Variants in FAT1 observed in about 807,000 individuals in gnomAD.
FAT1 encodes FAT atypical cadherin 1.
A neutral mutation model predicts 329.8 loss-of-function variants in FAT1; 171 were observed. The ratio of observed to expected loss-of-function variants is 0.52; its 90% confidence interval spans 0.46 to 0.59. FAT1 has a LOEUF of 0.59. FAT1 is among the 20% of genes least tolerant of loss of function. FAT1 has a pLI of 0.00. For missense variants in FAT1, 5,672 were observed against 5,774.4 expected, an observed-to-expected ratio of 0.98 and a Z score of 0.57; for synonymous variants, 2,233 against 2,228.6, an observed-to-expected ratio of 1.00 and a Z score of -0.06.
Position 186,589,179 on chromosome 4 carries a change from G to A in FAT1, c.13180C>T (p.Leu4394=), listed in dbSNP as rs1416701128. The A allele has an allele frequency of 6.2e-7, 1 of 1,613,628 alleles. No homozygotes were observed. Among genetic ancestry groups the A allele is most frequent in the Admixed American group, 1.7e-5 (1 of 59,982 alleles). ...DTSDWMPSVP[L]PDIQEFPNYE... ...TTGGGGAACTCTTGTATGTCCGGCA[G>A]AGGAACGCTTGGCATCCAATCTGAT... is the stretch of plus-strand genomic sequence containing the variant. Residue 4394 remains leucine (L), a synonymous_variant, in exon 27 of 27, where the codon CTG becomes TTG. Coordinates refer to ENST00000441802, the MANE Select transcript of FAT1 (RefSeq NM_005245.4).
chr4:186,654,541 T>C (rs986588791), intron 3 of FAT1, among the ~76,000 whole-genome samples: 1 of 152,148 alleles, frequency 6.6e-6, no homozygotes. Flanking sequence ...ACCAGCAAGA[T>C]TCTAACAGTG....
At chr4:186,623,348 C>T (rs1740141823) in intron 9 of FAT1, among the ~76,000 whole-genome samples, 1 of 152,186 alleles carries the variant, frequency 6.6e-6, no homozygotes, top group South Asian at 2.1e-4. Context: ...CGCCAAGATC[C>T]TTTTCTCATC....
chr4:186,656,236 G>A (rs978355965), intron 3 of FAT1, among the ~76,000 whole-genome samples: 11 of 152,232 alleles, frequency 7.2e-5, no homozygotes, highest in African/African-American at 2.7e-4. Flanking sequence ...ACAGATGGTG[G>A]TGTGGAGTGG....
intron 3 of FAT1, among the ~76,000 whole-genome samples, chr4:186,642,691 C>G (rs1741160216): frequency 6.6e-6 from 1 of 152,190 alleles, no homozygotes; most frequent in African/African-American, 2.4e-5. Context: ...CTGGCGGCAC[C>G]CTGCGGGTAT....
intron 20 of FAT1, 135 bp from the exon 21 acceptor site, chr4:186,601,561 G>C (rs926221635): frequency 3.2e-6 from 2 of 615,992 alleles, no homozygotes; most frequent in Admixed American, 3.1e-5. Context: ...CCAATTCTGT[G>C]GGAAAACGTC....
In FAT1 at chr4:186,707,593, G is replaced by T; in HGVS notation, c.2235C>A (p.Asp745Glu). The T allele has an allele frequency of 6.2e-6, 10 of 1,614,016 alleles. No individual in the cohort carries two copies. The highest frequency in any genetic ancestry group is 8.5e-6 in the Non-Finnish European group (10 of 1,179,890). Residue 745 changes from aspartate to glutamate, a missense_variant, in exon 2 of 27, where the codon GAC becomes GAA. This residue lies in a region of FAT1 where 3,966 missense variants were observed against 3,915.2 expected (regional missense o/e 1.01). Coordinates refer to ENST00000441802, the MANE Select transcript of FAT1 (RefSeq NM_005245.4). ...SVIFMNSTDL[D>E]TGFNGKLVYA... ...AGACCAGTTTTCCATTGAAGCCAGT[G>T]TCAAGGTCAGTGGAGTTCATGAAAA... is the stretch of plus-strand genomic sequence containing the variant.
Position 186,598,096 on chromosome 4 carries a change from T to C in FAT1, c.12133A>G (p.Ile4045Val), listed in dbSNP as rs1479936030. Residue 4045 changes from isoleucine to valine, a missense_variant, in exon 23 of 27, where the codon ATA (isoleucine) becomes GTA (valine). Ile to Val is a conservative substitution (Grantham distance 29). Around this residue, in one of 2 missense-constraint regions of FAT1, gnomAD observed 1,706 missense variants for 1,859.1 expected, o/e 0.92. Coordinates refer to ENST00000441802, the MANE Select transcript of FAT1 (RefSeq NM_005245.4). Reference sequence around the variant, plus strand: ...ACGCTTATCTCACAGTGGGTCCCTATGTACAAGGCACTGCATTTGCAGTAA... The same window carrying C: ...ACGCTTATCTCACAGTGGGTCCCTACGTACAAGGCACTGCATTTGCAGTAA... ...GYYCKCSALY[I>V]GTHCEISVNP... The C allele has an allele frequency of 3.1e-6, 5 of 1,612,064 alleles. No homozygotes were observed. Among genetic ancestry groups the C allele is most frequent in the South Asian group, 2.2e-5 (2 of 90,460 alleles).
At position 186,618,379 on chromosome 4, in the gene FAT1, C is replaced by T. The variant is rs1404780570; in HGVS notation, c.8207G>A (p.Ser2736Asn). 2.5e-6 allele frequency: 4 copies of T among 1,613,908 alleles called. No homozygotes were observed. The highest frequency in any genetic ancestry group is 1.3e-5 in the African/African-American group (1 of 74,930). The change falls in exon 10 of 27, where the codon AGC becomes AAC. Residue 2736 changes from serine to asparagine, a missense_variant. Around this residue, in one of 2 missense-constraint regions of FAT1, gnomAD observed 3,966 missense variants for 3,915.2 expected, o/e 1.01. Transcript: ENST00000441802. The stretch of plus-strand genomic sequence containing the variant: ...TTCTGGAGTATTCCCTTTGACCAGG[C>T]TGTAAAGAACAGTCCCACTATGTTC... ...RAEHSGTVLYSLVKGNTPESN... is the reference protein window; with the variant it reads ...RAEHSGTVLYNLVKGNTPESN...
At position 186,602,908 on chromosome 4, in the gene FAT1, C is replaced by A. The variant is rs566843673; in HGVS notation, c.11477G>T (p.Cys3826Phe). ...CCCAACCATTCAACTCTCACCTGGG[C>A]ACTGACCAAACCTGCCGCTGGGACA... ...CVCPSGRFGQ[C>F]PGSSSMTLTG... Residue 3826 changes from cysteine (C) to phenylalanine (F), a missense_variant, in exon 20 of 27, where the codon TGC (cysteine) becomes TTC (phenylalanine). Physicochemically the swap from Cys to Phe is radical, Grantham distance 205 (BLOSUM62 -2). Coordinates refer to ENST00000441802, the MANE Select transcript of FAT1 (RefSeq NM_005245.4). 1 of 1,613,806 alleles carries A rather than the reference C, an allele frequency of 6.2e-7. No homozygotes were observed. Among genetic ancestry groups the A allele is most frequent in the South Asian group, 1.1e-5 (1 of 91,054 alleles).
Position 186,620,940 on chromosome 4 carries a change from T to C in FAT1, c.5646A>G (p.Pro1882=), listed in dbSNP as rs116471329. 4,209 of 1,614,010 alleles carry C rather than the reference T, an allele frequency of 2.6e-3. 10 individuals are homozygous for C. Among genetic ancestry groups the C allele is most frequent in the Non-Finnish European group, 3.3e-3 (3,837 of 1,179,902 alleles). The change falls in exon 10 of 27, where the codon CCA becomes CCG. Residue 1882 remains proline, a synonymous_variant. Coordinates refer to ENST00000441802, the MANE Select transcript of FAT1 (RefSeq NM_005245.4). ...INDCPPVFAK[P]LYEASLLLPT... is the part of the protein sequence containing the mutation. ...GTAACAAAAGAGATGCTTCATATAA[T>C]GGCTTGGCAAACACAGGGGGGCAGT...
At chr4:186,687,253 C>CTGGAAT (rs1298101812) in intron 2 of FAT1, among the ~76,000 whole-genome samples, 1 of 152,144 alleles carries the variant, frequency 6.6e-6, no homozygotes, top group Non-Finnish European at 1.5e-5. Context: ...AGTTCCCTGA[C>CTGGAAT]TGAATTAGTA....
rs771401093 is a variant in FAT1, at chr4:186,595,802, C to T, written c.13025G>A (p.Cys4342Tyr). Residue 4342 changes from cysteine to tyrosine, a missense_variant, in exon 26 of 27, where the codon TGT becomes TAT. This residue lies in a region of FAT1 where 1,706 missense variants were observed against 1,859.1 expected (regional missense o/e 0.92). Transcript: ENST00000441802. ...TTCCTCTAGAGGCTTCTTGGAAAGA[C>T]AGGGATCAAGATCCACCACTTTTGC... ...YDTKVVDLDP[C>Y]LSKKPLEEKP... is the part of the protein sequence containing the mutation. 4 of 1,613,924 alleles carry T rather than the reference C, an allele frequency of 2.5e-6. No individual in the cohort carries two copies. In the Admixed American group the frequency reaches 5.0e-5, roughly 20 times the overall value.
intron 3 of FAT1, among the ~76,000 whole-genome samples, chr4:186,642,224 C>T (rs529505471): frequency 1.3e-5 from 2 of 152,238 alleles, no homozygotes; most frequent in African/African-American, 2.4e-5. Flanking sequence ...TAAACTGAAG[C>T]GGGTTTAAAC....
At chr4:186,602,874 A>T (rs1738880784) in intron 20 of FAT1, 29 bp downstream of exon 20, 1 of 1,573,466 alleles carries the variant, frequency 6.4e-7, no homozygotes, top group Admixed American at 1.9e-5. Context: ...TTTTAAAAAT[A>T]AAAGTATACC....
intron 24 of FAT1, 70 bp from the exon 25 acceptor site, chr4:186,597,241 A>AG: frequency 7.1e-7 from 1 of 1,417,634 alleles, no homozygotes; most frequent in Admixed American, 2.7e-5. Flanking sequence ...CTCAATCCTT[A>AG]GAGACTGAAG....
At chr4:186,684,832 A>G (rs1743390202) in intron 2 of FAT1, among the ~76,000 whole-genome samples, 1 of 152,176 alleles carries the variant, frequency 6.6e-6, no homozygotes, top group Non-Finnish European at 1.5e-5. Context: ...TAAACAGAGG[A>G]GGCGTGGTTT....
At position 186,609,958 on chromosome 4, in the gene FAT1, G is replaced by A. The variant is rs766870483; in HGVS notation, c.9911C>T (p.Thr3304Ile). The change falls in exon 15 of 27, where the codon ACA becomes ATA. Residue 3304 changes from threonine (T) to isoleucine (I), a missense_variant. Physicochemically the swap from Thr to Ile is moderately conservative, Grantham distance 89 (BLOSUM62 -1). This residue lies in a region of FAT1 where 1,706 missense variants were observed against 1,859.1 expected (regional missense o/e 0.92). Transcript: ENST00000441802. ...CGTGCCTCCATCAGTGGCCTCTACTGTTAGGTAATACTCATGAGAGCTCTC... is the reference window on the plus strand; with the variant it reads ...CGTGCCTCCATCAGTGGCCTCTACTATTAGGTAATACTCATGAGAGCTCTC... ...DYESSHEYYL[T>I]VEATDGGTPS... is the part of the protein sequence containing the mutation. The A allele has an allele frequency of 1.9e-6, 3 of 1,613,360 alleles. No homozygotes were observed. Among genetic ancestry groups the A allele is most frequent in the Non-Finnish European group, 2.5e-6 (3 of 1,179,488 alleles).
chr4:186,616,323 C>T (rs1163901534), intron 11 of FAT1, among the ~76,000 whole-genome samples: 2 of 152,134 alleles, frequency 1.3e-5, no homozygotes, highest in Admixed American at 1.3e-4. Context: ...TTCCAAGACT[C>T]TCAGTGCAGA....
chr4:186,698,635 A>G (rs1036978824), intron 2 of FAT1, among the ~76,000 whole-genome samples: 1 of 152,250 alleles, frequency 6.6e-6, no homozygotes, highest in Non-Finnish European at 1.5e-5. Flanking sequence ...ACGGCGAGGC[A>G]CAGAGGGGTA....
Sources: gnomAD v4.1 joint callset for allele counts (sites outside exome capture counted in the v4.1 genomes callset) on GRCh38, gnomAD v4.1.1 for gene constraint, gnomAD v4.1.1 regional missense constraint, MANE v1.5 for transcripts, NCBI Gene and HGNC (gene_info 2026-07-23, HGNC 2026-07-21) for gene names.